The following RAB2A variants were observed in gnomAD, a reference collection of about 807,000 sequenced individuals.
The protein encoded by RAB2A is RAB2A, member RAS oncogene family.
A neutral mutation model predicts 32.5 loss-of-function variants in RAB2A; 7 were observed. The observed-to-expected ratio is 0.22, with a 90% CI of 0.12 to 0.40. The LOEUF is 0.40. Among genes scored for constraint, RAB2A ranks in the 10% least tolerant of loss-of-function variants. RAB2A has a pLI of 1.00. For synonymous variants in RAB2A, 79 were observed against 85.2 expected (o/e 0.93, Z 0.40); for missense variants, 108 against 260.7 (o/e 0.41, Z 4.03).
At chr8:60,584,839 A>G (rs1321940927) in intron 5 of RAB2A, 24 bp downstream of exon 5, 10 of 1,524,230 alleles carry the variant, frequency 6.6e-6, no homozygotes, top group African/African-American at 1.4e-5. Context: ...TTTAGAGCTT[A>G]CATTGCATTA....
intron 2 of RAB2A, among the ~76,000 whole-genome samples, chr8:60,565,416 T>TTAA (rs1808093454): frequency 7.2e-5 from 3 of 41,952 alleles, no homozygotes; most frequent in Non-Finnish European, 1.2e-4. Context: ...AAGACCTGCC[T>TTAA]CAAAAAAAAA....
intron 3 of RAB2A, among the ~76,000 whole-genome samples, chr8:60,578,716 G>A (rs551504336): frequency 6.3e-4 from 96 of 152,248 alleles, no homozygotes; most frequent in African/African-American, 2.2e-3. Flanking sequence ...AGGAAGAAGA[G>A]GTGAAGATTA....
intron 3 of RAB2A, among the ~76,000 whole-genome samples, chr8:60,580,046 G>C (rs1024033289): frequency 6.7e-6 from 1 of 150,208 alleles, no homozygotes; most frequent in African/African-American, 2.5e-5. Flanking sequence ...GCCCAGGCTG[G>C]AGTGCAATGG....
At chr8:60,579,810 G>A (rs1480974823) in intron 3 of RAB2A, among the ~76,000 whole-genome samples, 1 of 151,820 alleles carries the variant, frequency 6.6e-6, no homozygotes, top group Non-Finnish European at 1.5e-5. Flanking sequence ...TGCATTTTTA[G>A]TAGAGACAGG....
chr8:60,613,559 G>A (rs1483027487), intron 6 of RAB2A, among the ~76,000 whole-genome samples: 2 of 152,166 alleles, frequency 1.3e-5, no homozygotes, highest in Non-Finnish European at 2.9e-5. Context: ...CTAAGCACTG[G>A]TTCCAGAGCA....
chr8:60,521,565 A>T (rs762757104), intron 1 of RAB2A, among the ~76,000 whole-genome samples: 8 of 152,204 alleles, frequency 5.3e-5, no homozygotes, highest in African/African-American at 7.2e-5. Flanking sequence ...TGCTGATCAT[A>T]ATATAGTTCA....
In RAB2A at chr8:60,605,840, C is replaced by CATATATATATAT. The variant is rs1003742324; in HGVS notation, c.475-12738_475-12727dup. Reference sequence around the variant, plus strand: ...GGCAAAAGGGACTAATACATATATACATATATATATATAATGCTTCATTTC... The same window carrying CATATATATATAT: ...GGCAAAAGGGACTAATACATATATACATATATATATATATATATATATATAATGCTTCATTTC... On this transcript the variant is annotated intron_variant, in intron 6 of 7. Coordinates refer to ENST00000262646, the MANE Select transcript of RAB2A (RefSeq NM_002865.3). Among the ~76,000 whole-genome samples the CATATATATATAT allele has an allele frequency of 4.4e-3, 601 of 136,782 alleles. 40 individuals are homozygous for CATATATATATAT. The highest frequency in any genetic ancestry group is 0.018 in the African/African-American group (559 of 30,938). The allele number at this position is 136,782 out of a possible 152,430, so 89.7% of individuals were successfully genotyped here. A position where few individuals can be genotyped will look rare whatever the true frequency, so the allele number is the denominator to read the frequency against.
chr8:60,569,366 A>T (rs1386016396), intron 2 of RAB2A, among the ~76,000 whole-genome samples: 2 of 152,132 alleles, frequency 1.3e-5, no homozygotes, highest in African/African-American at 4.8e-5. Flanking sequence ...TAAGATGTCT[A>T]TTGTATTATG....
chr8:60,598,320 G>A (rs1020716679), intron 6 of RAB2A, among the ~76,000 whole-genome samples: 5 of 152,030 alleles, frequency 3.3e-5, no homozygotes, highest in Non-Finnish European at 5.9e-5. Context: ...TCTACCAGAC[G>A]TTTAAAAAAG....
At chr8:60,619,936 A>G (rs1009511460) in intron 7 of RAB2A, among the ~76,000 whole-genome samples, 5 of 152,250 alleles carry the variant, frequency 3.3e-5, no homozygotes, top group African/African-American at 7.2e-5. Flanking sequence ...CAAAAGAGCG[A>G]AAAGAAACCA....
In RAB2A at chr8:60,559,808, T is replaced by C. The variant is rs138575585; in HGVS notation, c.118+885T>C. 4.9e-3 allele frequency among the ~76,000 whole-genome samples: 750 copies of C among 152,344 alleles called. 7 individuals are homozygous for C. The highest frequency in any genetic ancestry group is 0.017 in the African/African-American group (697 of 41,580). ...CTTTTTAGCCACTGACTGCTCATTT[T>C]CTGCTGACATTATTAATTTACTATT... On this transcript the variant is annotated intron_variant, in intron 2 of 7. Coordinates refer to ENST00000262646, the MANE Select transcript of RAB2A (RefSeq NM_002865.3).
At chr8:60,610,614 T>G (rs1248182288) in intron 6 of RAB2A, among the ~76,000 whole-genome samples, 1 of 152,180 alleles carries the variant, frequency 6.6e-6, no homozygotes, top group African/African-American at 2.4e-5. Context: ...TTAATAAATA[T>G]TTACCACTCT....
chr8:60,529,642 C>A (rs1016065432), intron 1 of RAB2A, among the ~76,000 whole-genome samples: 1 of 152,138 alleles, frequency 6.6e-6, no homozygotes, highest in Admixed American at 6.5e-5. Flanking sequence ...ACACTTGACT[C>A]TGAAACTTTT....
chr8:60,596,804 C>G lies in RAB2A; in HGVS notation c.474+4835C>G, dbSNP rs1413424059. ...GGCGTGGTGGCAGGCGCCTGTAGTCCCAGCTACTTGGGAGGCTGAGGCAGG... is the reference window on the plus strand; with the variant it reads ...GGCGTGGTGGCAGGCGCCTGTAGTCGCAGCTACTTGGGAGGCTGAGGCAGG... On this transcript the variant is annotated intron_variant, in intron 6 of 7. Coordinates refer to ENST00000262646, the MANE Select transcript of RAB2A (RefSeq NM_002865.3). Among the ~76,000 whole-genome samples, 3 of 152,022 alleles carry G rather than the reference C, an allele frequency of 2.0e-5. No individual in the cohort carries two copies. In the East Asian group the frequency reaches 5.8e-4, roughly 29 times the overall value.
intron 3 of RAB2A, among the ~76,000 whole-genome samples, chr8:60,576,074 C>T (rs1226288310): frequency 6.6e-6 from 1 of 152,192 alleles, no homozygotes; most frequent in Non-Finnish European, 1.5e-5. Context: ...GCAGATACTC[C>T]TTGGAGGCAT....
Position 60,621,817 on chromosome 8 carries a change from GT to G in RAB2A, c.*1049del, listed in dbSNP as rs1804533120. ...CAACCTCTATAATCTTTAAAATATG[GT>G]GAGCATCTTGTCTGTTTTGAAGGGG... On this transcript the variant is annotated 3_prime_UTR_variant, in exon 8 of 8. Transcript: ENST00000262646. The G allele has an allele frequency of 1.3e-5, 2 of 152,036 alleles. No homozygotes were observed. The highest frequency in any genetic ancestry group is 1.3e-4 in the Admixed American group (2 of 15,264). The allele number at this position is 152,036 out of a possible 1,614,324, so 9.4% of individuals were successfully genotyped here.
chr8:60,605,832 C>CATATATATATATATATATATAT lies in RAB2A; in HGVS notation c.475-12741_475-12740insTATATATATATATATATATATA, dbSNP rs1328541490. Among the ~76,000 whole-genome samples, 968 of 120,584 alleles carry CATATATATATATATATATATAT rather than the reference C, an allele frequency of 8.0e-3. 110 individuals carry two copies. The highest frequency in any genetic ancestry group is 0.033 in the African/African-American group (852 of 25,940). 79.1% of individuals were successfully genotyped at this position (120,584 alleles called of 152,430 possible). Reference sequence around the variant, plus strand: ...GGCTCATAGGCAAAAGGGACTAATACATATATACATATATATATATAATGC... The same window carrying CATATATATATATATATATATAT: ...GGCTCATAGGCAAAAGGGACTAATACATATATATATATATATATATATATATATACATATATATATATAATGC... On this transcript the variant is annotated intron_variant, in intron 6 of 7. Coordinates refer to ENST00000262646, the MANE Select transcript of RAB2A (RefSeq NM_002865.3).
chr8:60,608,571 C>CCTT (rs913118060), intron 6 of RAB2A, among the ~76,000 whole-genome samples: 1 of 150,252 alleles, frequency 6.7e-6, no homozygotes, highest in Non-Finnish European at 1.5e-5. Context: ...TTCTCCTTCT[C>CCTT]CTTCTCCTCC....
At chr8:60,523,134 C>G (rs993374426) in intron 1 of RAB2A, among the ~76,000 whole-genome samples, 1 of 150,648 alleles carries the variant, frequency 6.6e-6, no homozygotes, top group East Asian at 1.9e-4. Context: ...ATGATAAACA[C>G]CCATGCAAAA....
Sources: gnomAD v4.1 joint callset for allele counts (sites outside exome capture counted in the v4.1 genomes callset) on GRCh38, gnomAD v4.1.1 for gene constraint, MANE v1.5 for transcripts, NCBI Gene and HGNC (gene_info 2026-07-23, HGNC 2026-07-21) for gene names.